Variants in DHRSX observed in about 807,000 individuals in gnomAD.
DHRSX encodes the protein dehydrogenase/reductase X-linked.
In DHRSX, 31 loss-of-function variants were observed where a neutral mutation model predicts 34.0. That is an observed-to-expected ratio of 0.91 (90% CI 0.69 to 1.23). The LOEUF (loss-of-function observed/expected upper bound fraction) is 1.23, where lower values mean the gene tolerates loss of function less well. Among genes scored for constraint, DHRSX ranks in the 50% most tolerant of loss-of-function variants. The probability of loss-of-function intolerance (pLI) is 0.00; values close to 1 mark genes in which losing one functional copy is unlikely to be tolerated. For missense variants in DHRSX, 414 were observed against 428.1 expected (o/e 0.97, Z 0.29); for synonymous variants, 201 against 183.8 (o/e 1.09, Z -0.76).
chrX:2,410,671 T>G (rs1201457396), intron 2 of DHRSX, among the ~76,000 whole-genome samples: 3 of 152,166 alleles, frequency 2.0e-5, no homozygotes, highest in African/African-American at 7.2e-5. Context: ...CCAAATTAAC[T>G]ATTAGAATGC....
chrX:2,248,591 C>T (rs781040867), intron 5 of DHRSX, among the ~76,000 whole-genome samples: 70 of 120,324 alleles, frequency 5.8e-4, no homozygotes, highest in African/African-American at 2.2e-3. Context: ...CCAGCCAGGG[C>T]GACAAGAGCA....
At chrX:2,225,370 TCA>T (rs202242966) in intron 6 of DHRSX, among the ~76,000 whole-genome samples, 2,922 of 151,718 alleles carry the variant, frequency 0.019, 89 homozygotes, top group African/African-American at 0.066. Context: ...GCACACATGC[TCA>T]CACTCATTCA....
chrX:2,322,264 C>A (rs915407780), intron 3 of DHRSX, among the ~76,000 whole-genome samples: 10 of 151,994 alleles, frequency 6.6e-5, no homozygotes, highest in Non-Finnish European at 1.5e-4. Flanking sequence ...AATAAAAGTT[C>A]CTTATCAGGC....
rs570670358 is a variant in DHRSX at position 2,324,769 on chromosome X, C to CTT, written c.287-33168_287-33167dup. On this transcript the variant is annotated intron_variant, in intron 3 of 6. Coordinates refer to ENST00000334651, the MANE Select transcript of DHRSX (RefSeq NM_145177.3). Reference sequence around the variant, plus strand: ...GTCCTCGGCAAGGCTTTTTTCTTTTCTTTTTTTTTTTTTTTTTGAGATGGA... The same window carrying CTT: ...GTCCTCGGCAAGGCTTTTTTCTTTTCTTTTTTTTTTTTTTTTTTTGAGATGGA... Among the ~76,000 whole-genome samples the CTT allele has an allele frequency of 5.6e-3, 732 of 130,984 alleles. 17 individuals carry two copies. Among genetic ancestry groups the CTT allele is most frequent in the African/African-American group, 0.019 (670 of 34,770 alleles). The allele number at this position is 130,984 out of a possible 152,430, so 85.9% of individuals were successfully genotyped here.
At chrX:2,437,604 A>C (rs1228214016) in intron 1 of DHRSX, among the ~76,000 whole-genome samples, 1 of 66,054 alleles carries the variant, frequency 1.5e-5, no homozygotes, top group Non-Finnish European at 3.0e-5. Context: ...ACCCTGTCTC[A>C]AAAAAAAAAG....
intron 5 of DHRSX, among the ~76,000 whole-genome samples, chrX:2,246,322 A>C (rs1362936886): frequency 5.3e-5 from 8 of 152,030 alleles, no homozygotes; most frequent in African/African-American, 1.7e-4. Flanking sequence ...GCTGTTCCTA[A>C]ATAAGAATAC....
chrX:2,305,302 A>G (rs1001911223), intron 3 of DHRSX, among the ~76,000 whole-genome samples: 1 of 152,152 alleles, frequency 6.6e-6, no homozygotes, highest in African/African-American at 2.4e-5. Context: ...ACCACCTCAC[A>G]TCAGTTAGAA....
chrX:2,452,912 G>C (rs2044245146), intron 1 of DHRSX, among the ~76,000 whole-genome samples: 1 of 152,198 alleles, frequency 6.6e-6, no homozygotes, highest in Admixed American at 6.5e-5. Flanking sequence ...CCCATCAATG[G>C]GATACCTGCC....
At chrX:2,361,048 G>C (rs775117140) in intron 3 of DHRSX, among the ~76,000 whole-genome samples, 1 of 152,152 alleles carries the variant, frequency 6.6e-6, no homozygotes, top group Non-Finnish European at 1.5e-5. Context: ...TGGCTGGCTG[G>C]AGCGTTGGCT....
At chrX:2,276,255 T>C (rs1313089872) in intron 4 of DHRSX, among the ~76,000 whole-genome samples, 2 of 152,200 alleles carry the variant, frequency 1.3e-5, no homozygotes, top group African/African-American at 2.4e-5. Flanking sequence ...CATCAGCAAA[T>C]ATACTGATGT....
At chrX:2,224,895 ACT>A (rs2015607794) in intron 6 of DHRSX, among the ~76,000 whole-genome samples, 2 of 126,336 alleles carry the variant, frequency 1.6e-5, no homozygotes, top group African/African-American at 3.0e-5. Flanking sequence ...ACATGCTCAC[ACT>A]CGCACACACA....
At chrX:2,259,672 G>A (rs73185705) in intron 5 of DHRSX, among the ~76,000 whole-genome samples, 56,127 of 151,798 alleles carry the variant, frequency 0.37, 12,964 homozygotes, top group Non-Finnish European at 0.53. Context: ...GGACAGGGTC[G>A]TGCTCTCTCT....
chrX:2,450,189 T>C (rs1301973366), intron 1 of DHRSX, among the ~76,000 whole-genome samples: 5 of 152,076 alleles, frequency 3.3e-5, no homozygotes, highest in Admixed American at 2.0e-4. Context: ...TAGAGCAGTT[T>C]CAACAAACTC....
At position 2,500,962 on chromosome X, in the gene DHRSX, C is replaced by G; in HGVS notation, c.-37G>C. On this transcript the variant is annotated 5_prime_UTR_variant, in exon 1 of 7. Coordinates refer to ENST00000334651, the MANE Select transcript of DHRSX (RefSeq NM_145177.3). ...CCGCGCCGCCGCCGCTTCCGCGCCG[C>G]CCGCGGGACTCTGCGCCCGCCCGCC... is the stretch of plus-strand genomic sequence containing the variant. 1 of 997,390 alleles carries G rather than the reference C, an allele frequency of 1.0e-6. No individual in the cohort carries two copies. Among genetic ancestry groups the G allele is most frequent in the Non-Finnish European group, 1.2e-6 (1 of 832,718 alleles). The allele number at this position is 997,390 out of a possible 1,614,324, so 61.8% of individuals were successfully genotyped here.
intron 2 of DHRSX, among the ~76,000 whole-genome samples, chrX:2,418,500 T>C (rs931987659): frequency 1.3e-5 from 2 of 152,194 alleles, no homozygotes; most frequent in African/African-American, 4.8e-5. Flanking sequence ...TTTCTTCCTT[T>C]CCTAGTTTGA....
At chrX:2,485,219 G>C (rs1055929417) in intron 1 of DHRSX, among the ~76,000 whole-genome samples, 15 of 152,126 alleles carry the variant, frequency 9.9e-5, no homozygotes, top group Non-Finnish European at 2.1e-4. Context: ...AACCCTCAAG[G>C]ACTAGAATTA....
chrX:2,328,970 G>T (rs2042423712), intron 3 of DHRSX, among the ~76,000 whole-genome samples: 1 of 152,184 alleles, frequency 6.6e-6, no homozygotes, highest in African/African-American at 2.4e-5. Flanking sequence ...CACAGAGGAG[G>T]ATGAGTTCTA....
In DHRSX at chrX:2,376,709, T is replaced by C. The variant is rs1461298531; in HGVS notation, c.286+32036A>G. Among the ~76,000 whole-genome samples the C allele has an allele frequency of 4.8e-5, 7 of 147,240 alleles. 1 individual carries two copies. Among genetic ancestry groups the C allele is most frequent in the Non-Finnish European group, 9.2e-5 (6 of 65,022 alleles). On this transcript the variant is annotated intron_variant, in intron 3 of 6. Transcript: ENST00000334651. The stretch of plus-strand genomic sequence containing the variant: ...TGGTGTCCTTATAAGAAAAGGAACA[T>C]TGGAGGCCGGGTATAGTGGCTCACG...
At chrX:2,452,631 C>A (rs955094606) in intron 1 of DHRSX, among the ~76,000 whole-genome samples, 4 of 151,708 alleles carry the variant, frequency 2.6e-5, no homozygotes, top group South Asian at 2.1e-4. Context: ...CCTACGCATG[C>A]GGCCAACGGA....
Sources: allele counts gnomAD v4.1 joint callset (sites outside exome capture counted in the v4.1 genomes callset), GRCh38; gene constraint gnomAD v4.1.1; transcripts MANE v1.5; gene names NCBI Gene and HGNC (gene_info 2026-07-23, HGNC 2026-07-21).